The following NGEF variants were observed in gnomAD, a reference collection of about 807,000 sequenced individuals.
NGEF encodes neuronal guanine nucleotide exchange factor.
A neutral mutation model predicts 80.9 loss-of-function variants in NGEF; 31 were observed. The observed-to-expected ratio is 0.38, with a 90% CI of 0.29 to 0.52. NGEF has a LOEUF of 0.52. Among genes scored for constraint, NGEF ranks in the 20% least tolerant of loss-of-function variants. NGEF has a pLI of 0.84. For missense variants in NGEF, 709 were observed against 926.2 expected, an observed-to-expected ratio of 0.77 and a Z score of 3.04; for synonymous variants, 371 against 370.2, an observed-to-expected ratio of 1.00 and a Z score of -0.03.
intron 3 of NGEF, among the ~76,000 whole-genome samples, chr2:232,960,873 C>T (rs998089677): frequency 1.3e-5 from 2 of 152,092 alleles, no homozygotes; most frequent in Admixed American, 6.6e-5. Context: ...AGCAAAGCTC[C>T]ATCTCAAAAA....
rs754143307 is a variant in NGEF, at chr2:232,879,565, C to T, written c.2057G>A (p.Arg686His). Residue 686 changes from arginine (R) to histidine (H), a missense_variant, in exon 15 of 15, where the codon CGT becomes CAT. Physicochemically the swap from Arg to His is conservative, Grantham distance 29. This residue lies in a region of NGEF where 426 missense variants were observed against 622.9 expected (regional missense o/e 0.68). Transcript: ENST00000264051. Reference protein sequence around the residue: ...IRSQNLKECFRVHKMDDPQRS... With the variant: ...IRSQNLKECFHVHKMDDPQRS... Reference sequence around the variant, plus strand: ...CTGAGGGTCATCCATCTTGTGGACACGGAAACATTCCTTGAGGTTCTGGGA... The same window carrying T: ...CTGAGGGTCATCCATCTTGTGGACATGGAAACATTCCTTGAGGTTCTGGGA... The T allele has an allele frequency of 6.8e-5, 110 of 1,613,918 alleles. No individual in the cohort carries two copies. Among genetic ancestry groups the T allele is most frequent in the Non-Finnish European group, 8.0e-5 (94 of 1,179,994 alleles).
In NGEF at chr2:232,983,498, CA is replaced by C. The variant is rs776599946; in HGVS notation, c.-74-8535del. 9.9e-5 allele frequency among the ~76,000 whole-genome samples: 15 copies of C among 152,242 alleles called. No homozygotes were observed. In the East Asian group the frequency reaches 2.1e-3, roughly 22 times the overall value. On this transcript the variant is annotated intron_variant, in intron 1 of 14. Coordinates refer to ENST00000264051, the MANE Select transcript of NGEF (RefSeq NM_019850.3). ...GGGGGTGCAGGGTTAGCTGAGAGGT[CA>C]GGGGTGCCTATCTGAGCAGAGGCCT...
chr2:232,978,203 G>T (rs1357070192), intron 1 of NGEF, among the ~76,000 whole-genome samples: 1 of 151,334 alleles, frequency 6.6e-6, no homozygotes. Context: ...TATCAGTATC[G>T]TCATTATTTT....
chr2:232,973,276 G>A (rs1051387913), intron 2 of NGEF, among the ~76,000 whole-genome samples: 3 of 152,236 alleles, frequency 2.0e-5, no homozygotes, highest in African/African-American at 2.4e-5. Flanking sequence ...TTTAGTATAC[G>A]GGAAATTTCA....
At chr2:232,955,541 T>C (rs113852374) in intron 3 of NGEF, among the ~76,000 whole-genome samples, 1,779 of 152,328 alleles carry the variant, frequency 0.012, 32 homozygotes, top group African/African-American at 0.04. Context: ...GGTTTGTTTT[T>C]GAGACAGAAT....
At position 232,879,323 on chromosome 2, in the gene NGEF, A is replaced by C. The variant is rs923392952; in HGVS notation, c.*166T>G. On this transcript the variant is annotated 3_prime_UTR_variant, in exon 15 of 15. Transcript: ENST00000264051. ...TTATCCAGTTTGCGAGCAAGGGGCC[A>C]AGACACATGAGCACTCACTGCGTGG... 2 of 651,114 alleles carry C rather than the reference A, an allele frequency of 3.1e-6. No individual in the cohort carries two copies. The highest frequency in any genetic ancestry group is 5.2e-6 in the Non-Finnish European group (2 of 383,728). 40.3% of individuals were successfully genotyped at this position (651,114 alleles called of 1,614,324 possible). A position where few individuals can be genotyped will look rare whatever the true frequency, so the allele number is the denominator to read the frequency against.
chr2:232,947,557 T>A (rs1693585002), intron 3 of NGEF, among the ~76,000 whole-genome samples: 1 of 152,220 alleles, frequency 6.6e-6, no homozygotes, highest in Admixed American at 6.5e-5. Flanking sequence ...TAGTTTTTCC[T>A]GAACTCTCAC....
intron 5 of NGEF, among the ~76,000 whole-genome samples, chr2:232,898,453 C>T (rs1267931295): frequency 1.3e-5 from 2 of 152,188 alleles, no homozygotes; most frequent in Non-Finnish European, 2.9e-5. Flanking sequence ...AGGCTCATTC[C>T]CCAGAACTCT....
chr2:232,955,105 C>T (rs562782081), intron 3 of NGEF, among the ~76,000 whole-genome samples: 1 of 152,286 alleles, frequency 6.6e-6, no homozygotes, highest in East Asian at 1.9e-4. Flanking sequence ...TGGGAGTCTC[C>T]CTCCAGAGCT....
intron 3 of NGEF, among the ~76,000 whole-genome samples, chr2:232,969,479 TC>T (rs1694141040): frequency 9.4e-6 from 1 of 106,734 alleles, no homozygotes; most frequent in East Asian, 2.7e-4. Flanking sequence ...CCTTCTTCCT[TC>T]CTTCCTTCCT....
rs565812709 is a variant in NGEF, at chr2:232,980,472, T to C, written c.-74-5508A>G. Among the ~76,000 whole-genome samples the C allele has an allele frequency of 2.0e-5, 3 of 151,634 alleles. No homozygotes were observed. The East Asian group carries it at 5.8e-4, about 29-fold the overall frequency. On this transcript the variant is annotated intron_variant, in intron 1 of 14. Transcript: ENST00000264051. ...TCACAGATTCTGACTCAGGAGGTCCTGGGTGGGGGCTGAGACTGCATTTCT... is the reference window on the plus strand; with the variant it reads ...TCACAGATTCTGACTCAGGAGGTCCCGGGTGGGGGCTGAGACTGCATTTCT...
intron 3 of NGEF, among the ~76,000 whole-genome samples, chr2:232,953,454 C>T (rs184580928): frequency 4.1e-5 from 6 of 147,178 alleles, no homozygotes; most frequent in Admixed American, 4.0e-4. Flanking sequence ...AACCAACATG[C>T]TCAAAAAATA....
chr2:232,989,636 G>A (rs1694613155), intron 1 of NGEF, among the ~76,000 whole-genome samples: 1 of 152,196 alleles, frequency 6.6e-6, no homozygotes, highest in Admixed American at 6.5e-5. Context: ...CTGCTATGCA[G>A]CAGAGAAATG....
intron 3 of NGEF, chr2:232,928,101 G>T (rs1034710181): frequency 2.0e-5 from 21 of 1,064,394 alleles, no homozygotes; most frequent in Admixed American, 1.1e-4. Context: ...GGGTCGCAGC[G>T]CGCGCGGCTC....
intron 5 of NGEF, among the ~76,000 whole-genome samples, chr2:232,905,012 C>G (rs1015260688): frequency 2.0e-5 from 3 of 152,144 alleles, no homozygotes; most frequent in Non-Finnish European, 4.4e-5. Flanking sequence ...GAACTCTTTC[C>G]CATTTCAGCT....
chr2:232,930,725 AC>A (rs1693200010), intron 3 of NGEF, among the ~76,000 whole-genome samples: 1 of 151,962 alleles, frequency 6.6e-6, no homozygotes, highest in African/African-American at 2.4e-5. Flanking sequence ...AGGCCCCACC[AC>A]CTAATACCCA....
intron 3 of NGEF, among the ~76,000 whole-genome samples, chr2:232,952,970 CAAAAAAAAAAAAAA>C (rs57198276): frequency 1.4e-5 from 1 of 73,068 alleles, no homozygotes; most frequent in Non-Finnish European, 2.6e-5. Flanking sequence ...AGACAGCCCT[CAAAAAAAAAAAAAA>C]AAAAAAAAAA....
intron 1 of NGEF, among the ~76,000 whole-genome samples, chr2:232,997,554 G>A (rs976649966): frequency 3.3e-5 from 5 of 152,228 alleles, no homozygotes; most frequent in Admixed American, 2.6e-4. Context: ...AATATCCACC[G>A]TAGATTTCTG....
At chr2:232,891,790 A>G (rs1691892920) in intron 7 of NGEF, among the ~76,000 whole-genome samples, 1 of 152,218 alleles carries the variant, frequency 6.6e-6, no homozygotes, top group Non-Finnish European at 1.5e-5. Flanking sequence ...GATTTCACCC[A>G]GCGGGAAACT....
Sources: allele counts gnomAD v4.1 joint callset (sites outside exome capture counted in the v4.1 genomes callset), GRCh38; gene constraint gnomAD v4.1.1; regional missense constraint gnomAD v4.1.1; transcripts MANE v1.5; gene names NCBI Gene and HGNC (gene_info 2026-07-23, HGNC 2026-07-21).